Variants in TMEM40 observed in about 807,000 individuals in gnomAD.
TMEM40 encodes transmembrane protein 40.
Under a neutral mutation model 40.8 loss-of-function variants are expected in TMEM40, and 34 were observed. The ratio of observed to expected loss-of-function variants is 0.83; its 90% CI spans 0.63 to 1.11. The LOEUF (loss-of-function observed/expected upper bound fraction) is 1.11, where lower values mean the gene tolerates loss of function less well. TMEM40 is among the 50% of genes least tolerant of loss of function. TMEM40 has a pLI of 0.00. For missense variants in TMEM40, 296 were observed against 280.2 expected (o/e 1.06, Z -0.40); for synonymous variants, 106 against 107.0 (o/e 0.99, Z 0.06).
intron 5 of TMEM40, 34 bp downstream of exon 5, chr3:12,742,420 T>C (rs985998310): frequency 3.1e-6 from 5 of 1,609,170 alleles, no homozygotes; most frequent in East Asian, 2.2e-5. Flanking sequence ...CTTCGTCTAA[T>C]TGTTTTCTCC....
rs191936690 is a variant in TMEM40 at position 12,750,575 on chromosome 3, C to T, written c.-8-735G>A. Among the ~76,000 whole-genome samples the T allele has an allele frequency of 1.5e-4, 23 of 152,286 alleles. No individual in the cohort carries two copies. The East Asian group carries it at 4.4e-3, about 29-fold the overall frequency. On this transcript the variant is annotated intron_variant, in intron 1 of 11. Coordinates refer to ENST00000314124, the MANE Select transcript of TMEM40 (RefSeq NM_018306.4). ...CAGCTCTGAGGCTGAGACCTTAAATCTGAGAGGAGGTAGATTTACTAGTCT... is the reference window on the plus strand; with the variant it reads ...CAGCTCTGAGGCTGAGACCTTAAATTTGAGAGGAGGTAGATTTACTAGTCT...
At chr3:12,742,585 C>G in intron 4 of TMEM40, 78 bp from the exon 5 acceptor site, 2 of 1,541,220 alleles carry the variant, frequency 1.3e-6, no homozygotes, top group South Asian at 2.3e-5. Context: ...ATGGCTTCGA[C>G]GCTTAAGAAG....
intron 3 of TMEM40, among the ~76,000 whole-genome samples, chr3:12,745,256 C>T (rs937841218): frequency 1.5e-5 from 2 of 137,444 alleles, no homozygotes; most frequent in Admixed American, 7.3e-5. Flanking sequence ...TTACTAGAGA[C>T]GAGGTTTCAC....
At chr3:12,768,826 G>C (rs867704254) in intron 1 of TMEM40, among the ~76,000 whole-genome samples, 2 of 151,378 alleles carry the variant, frequency 1.3e-5, no homozygotes, top group Non-Finnish European at 2.9e-5. Flanking sequence ...CGATGGGACC[G>C]GGCGCCGTGG....
chr3:12,746,850 G>T (rs2061432838), intron 3 of TMEM40, among the ~76,000 whole-genome samples: 1 of 152,126 alleles, frequency 6.6e-6, no homozygotes, highest in Non-Finnish European at 1.5e-5. Context: ...ATTTTCGGAG[G>T]AGCAGCACTC....
chr3:12,738,159 C>T lies in TMEM40; in HGVS notation c.401G>A (p.Arg134Lys), dbSNP rs113852939. ...ACCACTTGCTGGGTCAGAGCCTCTC[C>T]TTCGGAGTCCTGGAAACAAGAAACT... ...VVPSGESGLR[R>K]RGSDPASGEV... is the part of the protein sequence containing the mutation. The change falls in exon 7 of 12, where the codon AGG becomes AAG. Residue 134 changes from arginine to lysine, a missense_variant. Transcript: ENST00000314124. 2.4e-5 allele frequency: 38 copies of T among 1,613,878 alleles called. No individual in the cohort carries two copies. The highest frequency in any genetic ancestry group is 1.3e-4 in the African/African-American group (10 of 74,950).
intron 1 of TMEM40, among the ~76,000 whole-genome samples, chr3:12,751,877 T>G (rs1466293325): frequency 6.6e-6 from 1 of 152,146 alleles, no homozygotes; most frequent in Non-Finnish European, 1.5e-5. Context: ...TACAAAGTGA[T>G]GAGCTCTTTT....
At chr3:12,755,263 C>CTTTCTTTT (rs1559533462) in intron 1 of TMEM40, among the ~76,000 whole-genome samples, 29 of 104,332 alleles carry the variant, frequency 2.8e-4, no homozygotes, top group African/African-American at 1.4e-3. Flanking sequence ...TTCTTTCTTT[C>CTTTCTTTT]TTTCTTTCTT....
chr3:12,737,551 C>A, intron 8 of TMEM40, 156 bp downstream of exon 8: 1 of 700,818 alleles, frequency 1.4e-6, no homozygotes, highest in Admixed American at 2.6e-5. Context: ...ATTGTCCCAC[C>A]CTGTTGAGGT....
chr3:12,753,558 G>A (rs1330929901), intron 1 of TMEM40, among the ~76,000 whole-genome samples: 2 of 151,998 alleles, frequency 1.3e-5, no homozygotes, highest in Admixed American at 1.3e-4. Flanking sequence ...GGGAGAGACT[G>A]AGGCTCAGGT....
chr3:12,737,846 G>T, intron 7 of TMEM40, 92 bp from the exon 8 acceptor site: 2 of 1,309,890 alleles, frequency 1.5e-6, no homozygotes, highest in African/African-American at 1.5e-5. Flanking sequence ...TTAATATCCT[G>T]GGTATATCTT....
In TMEM40 at chr3:12,748,787, C is replaced by A; in HGVS notation, c.79G>T (p.Glu27Ter). The change falls in exon 3 of 12, where the codon GAG (glutamate) becomes TAG (stop). Residue 27 changes from glutamate (E) to a stop codon, truncating the protein, a stop_gained. Coordinates refer to ENST00000314124, the MANE Select transcript of TMEM40 (RefSeq NM_018306.4). LOFTEE classifies it high-confidence loss of function. ...HRETEDVDYG[E>*]TDFHKQDGKA... ...CCATCTTGCTTGTGGAAATCTGTCT[C>A]TCCATCTACAAGGCACACAGAGGCC... 1 of 1,614,008 alleles carries A rather than the reference C, an allele frequency of 6.2e-7. No individual in the cohort carries two copies. Among genetic ancestry groups the A allele is most frequent in the Non-Finnish European group, 8.5e-7 (1 of 1,179,952 alleles).
chr3:12,767,250 T>C (rs1366768230), intron 1 of TMEM40, among the ~76,000 whole-genome samples: 1 of 152,030 alleles, frequency 6.6e-6, no homozygotes, highest in Admixed American at 6.6e-5. Context: ...TACTGGCTTT[T>C]ATAGGGGAAG....
chr3:12,766,931 C>G (rs1326880595), intron 1 of TMEM40, among the ~76,000 whole-genome samples: 1 of 152,210 alleles, frequency 6.6e-6, no homozygotes, highest in Non-Finnish European at 1.5e-5. Flanking sequence ...CTTTCCCTAC[C>G]CTCTCATCCT....
chr3:12,738,682 C>T, intron 5 of TMEM40, 94 bp from the exon 6 acceptor site: 2 of 1,376,460 alleles, frequency 1.5e-6, no homozygotes, highest in South Asian at 1.2e-5. Flanking sequence ...TCGGAGACTT[C>T]CCACTTAATC....
chr3:12,768,451 T>TTGG (rs2061604507), intron 1 of TMEM40, among the ~76,000 whole-genome samples: 1 of 152,176 alleles, frequency 6.6e-6, no homozygotes, highest in Admixed American at 6.5e-5. Context: ...AGGGTGCTGA[T>TTGG]TGGTGCATTT....
chr3:12,767,381 G>A (rs1017348256), intron 1 of TMEM40, among the ~76,000 whole-genome samples: 100 of 152,228 alleles, frequency 6.6e-4, no homozygotes, highest in African/African-American at 2.3e-3. Context: ...TGGTGAGGGC[G>A]GGAGATGTCC....
At chr3:12,738,467 G>A in intron 6 of TMEM40, 86 bp downstream of exon 6, 2 of 1,450,200 alleles carry the variant, frequency 1.4e-6, no homozygotes, top group African/African-American at 1.4e-5. Context: ...ATCCCAACAG[G>A]TGCTGGCTCT....
At chr3:12,750,142 C>CT (rs386395973) in intron 1 of TMEM40, among the ~76,000 whole-genome samples, 19,871 of 142,056 alleles carry the variant, frequency 0.14, 1,696 homozygotes, top group Admixed American at 0.2. Context: ...TTTTCTTTTT[C>CT]TTTTTTTTTT....
Sources: allele counts gnomAD v4.1 joint callset (sites outside exome capture counted in the v4.1 genomes callset), GRCh38; gene constraint gnomAD v4.1.1; transcripts MANE v1.5; gene names NCBI Gene and HGNC (gene_info 2026-07-23, HGNC 2026-07-21).